The following ETV6 variants were observed in gnomAD, a reference collection of about 807,000 sequenced individuals.
The protein encoded by ETV6 is transcription factor ETV6.
In ETV6, 16 loss-of-function variants were observed where a neutral mutation model predicts 51.1. The ratio of observed to expected loss-of-function variants is 0.31; its 90% CI spans 0.21 to 0.48. ETV6 has a LOEUF of 0.48. Among genes scored for constraint, ETV6 ranks in the 20% least tolerant of loss-of-function variants. The pLI, the probability that ETV6 is intolerant of heterozygous loss-of-function variation, is 0.99. For missense variants in ETV6, 458 were observed against 594.8 expected, an observed-to-expected ratio of 0.77 and a Z score of 2.39; for synonymous variants, 240 against 224.1, an observed-to-expected ratio of 1.07 and a Z score of -0.64.
At position 11,893,794 on chromosome 12, in the gene ETV6, T is replaced by C. The variant is rs2710277; in HGVS notation, c.*2748T>C. 1.3e-5 allele frequency: 1 copy of C among 78,902 alleles called. No homozygotes were observed. The highest frequency in any genetic ancestry group is 5.8e-5 in the African/African-American group (1 of 17,104). The allele number at this position is 78,902 out of a possible 1,614,324, so 4.9% of individuals were successfully genotyped here. A position where few individuals can be genotyped will look rare whatever the true frequency, so the allele number is the denominator to read the frequency against. ...GTGTCCATCCCCAAGATCTCTCATTTTATATATATATATATATATATATAT... is the reference window on the plus strand; with the variant it reads ...GTGTCCATCCCCAAGATCTCTCATTCTATATATATATATATATATATATAT... On this transcript the variant is annotated 3_prime_UTR_variant, in exon 8 of 8. Coordinates refer to ENST00000396373, the MANE Select transcript of ETV6 (RefSeq NM_001987.5).
chr12:11,871,665 G>A lies in ETV6; in HGVS notation c.1009+1696G>A, dbSNP rs2136547419. On this transcript the variant is annotated intron_variant, in intron 5 of 7. Transcript: ENST00000396373. The stretch of plus-strand genomic sequence containing the variant: ...ATATGTTTTAAAAACTATGAAAAAG[G>A]AAATGATATATGTTTGGGATTCCAT... Among the ~76,000 whole-genome samples, 2 of 152,252 alleles carry A rather than the reference G, an allele frequency of 1.3e-5. 1 individual carries two copies. The highest frequency in any genetic ancestry group is 6.8e-3 in the Middle Eastern group (2 of 294).
chr12:11,819,562 C>A (rs1946045609), intron 2 of ETV6, among the ~76,000 whole-genome samples: 2 of 152,230 alleles, frequency 1.3e-5, no homozygotes, highest in African/African-American at 4.8e-5. Flanking sequence ...ACAGTTACCT[C>A]ACATTCAACA....
chr12:11,879,962 A>T (rs929887471), intron 5 of ETV6, among the ~76,000 whole-genome samples: 5 of 151,510 alleles, frequency 3.3e-5, no homozygotes, highest in African/African-American at 1.2e-4. Flanking sequence ...GAACCTAAAG[A>T]GGATCTGCCT....
intron 1 of ETV6, among the ~76,000 whole-genome samples, chr12:11,708,344 T>C (rs1217853341): frequency 2.6e-5 from 4 of 152,084 alleles, no homozygotes; most frequent in Non-Finnish European, 5.9e-5. Context: ...AAGGGAGTGC[T>C]GTTGTCTTCT....
chr12:11,836,930 G>A (rs1449817269), intron 2 of ETV6, among the ~76,000 whole-genome samples: 3 of 152,182 alleles, frequency 2.0e-5, no homozygotes, highest in Non-Finnish European at 4.4e-5. Context: ...GTCCCCTAAT[G>A]GGAACTCCCT....
chr12:11,721,856 A>C (rs1322842857), intron 1 of ETV6, among the ~76,000 whole-genome samples: 1 of 152,218 alleles, frequency 6.6e-6, no homozygotes, highest in South Asian at 2.1e-4. Context: ...TAAGATGTAC[A>C]TATTCTGTTA....
At chr12:11,692,169 T>C (rs749329314) in intron 1 of ETV6, among the ~76,000 whole-genome samples, 15 of 152,114 alleles carry the variant, frequency 9.9e-5, no homozygotes, top group Non-Finnish European at 1.8e-4. Context: ...AATGGATTAA[T>C]GGATTAATGG....
intron 1 of ETV6, among the ~76,000 whole-genome samples, chr12:11,730,657 A>C (rs1865576074): frequency 6.6e-6 from 1 of 152,312 alleles, no homozygotes; most frequent in East Asian, 1.9e-4. Context: ...ACAGGTGCAG[A>C]GAATGGTTTT....
intron 2 of ETV6, among the ~76,000 whole-genome samples, chr12:11,758,947 G>A (rs1028072298): frequency 5.3e-5 from 8 of 152,060 alleles, no homozygotes; most frequent in Admixed American, 6.5e-5. Flanking sequence ...TTTCCCCGCG[G>A]CACATGTGGC....
chr12:11,834,813 A>G (rs1591707870), intron 2 of ETV6, among the ~76,000 whole-genome samples: 1 of 152,224 alleles, frequency 6.6e-6, no homozygotes, highest in Non-Finnish European at 1.5e-5. Flanking sequence ...ATTCAAATTA[A>G]ATAGGAGCAT....
intron 2 of ETV6, among the ~76,000 whole-genome samples, chr12:11,822,222 G>A (rs1025527945): frequency 2.6e-5 from 4 of 152,188 alleles, no homozygotes; most frequent in African/African-American, 9.7e-5. Context: ...GTGAGTGAAC[G>A]GAGAGGTGGA....
At chr12:11,728,864 C>G (rs1326847656) in intron 1 of ETV6, among the ~76,000 whole-genome samples, 2 of 152,150 alleles carry the variant, frequency 1.3e-5, no homozygotes, top group Non-Finnish European at 1.5e-5. Flanking sequence ...TGCATAGTTA[C>G]CAGTTACCCG....
intron 1 of ETV6, among the ~76,000 whole-genome samples, chr12:11,680,048 T>C (rs918484880): frequency 3.3e-5 from 5 of 152,212 alleles, no homozygotes; most frequent in African/African-American, 9.7e-5. Context: ...CTGTAAAAGT[T>C]GAGACATCCA....
At position 11,869,752 on chromosome 12, in the gene ETV6, C is replaced by A; in HGVS notation, c.792C>A (p.Arg264=). The change falls in exon 5 of 8, where the codon CGC becomes CGA. Residue 264 remains arginine, a synonymous_variant. Transcript: ENST00000396373. The surrounding 1 kb of genome is among the most constrained non-coding windows in gnomAD (Gnocchi z 5.0). ...CCAGCCCCCGGCAGGAGAGCACACG[C>A]GTGATCCAGCTGATGCCCAGCCCCA... The part of the protein sequence containing the change: ...KPSSPRQEST[R]VIQLMPSPIM... 6.2e-7 allele frequency: 1 copy of A among 1,613,642 alleles called. No homozygotes were observed. The highest frequency in any genetic ancestry group is 8.5e-7 in the Non-Finnish European group (1 of 1,180,012).
chr12:11,853,158 G>A (rs1361341249), intron 3 of ETV6, among the ~76,000 whole-genome samples: 8 of 152,226 alleles, frequency 5.3e-5, no homozygotes, highest in African/African-American at 1.9e-4. Context: ...CTGCACTTCA[G>A]CACTGGCAAC....
At chr12:11,861,674 C>T (rs1454855425) in intron 4 of ETV6, among the ~76,000 whole-genome samples, 2 of 152,086 alleles carry the variant, frequency 1.3e-5, no homozygotes, top group Non-Finnish European at 2.9e-5. Flanking sequence ...TTCCTTTACC[C>T]CTAGGGAAAT....
At chr12:11,657,270 C>G (rs920399941) in intron 1 of ETV6, among the ~76,000 whole-genome samples, 34 of 152,172 alleles carry the variant, frequency 2.2e-4, no homozygotes, top group African/African-American at 7.7e-4. Flanking sequence ...CCTAACTGAT[C>G]AAGCCAGAGT....
chr12:11,763,229 C>T (rs1430396958), intron 2 of ETV6, among the ~76,000 whole-genome samples: 1 of 152,220 alleles, frequency 6.6e-6, no homozygotes, highest in African/African-American at 2.4e-5. Context: ...GAAGCCACCT[C>T]ACAAAGTCCC....
Position 11,652,268 on chromosome 12 carries a change from A to G in ETV6, c.33+2108A>G, listed in dbSNP as rs924457331. 7.9e-5 allele frequency among the ~76,000 whole-genome samples: 12 copies of G among 152,300 alleles called. No homozygotes were observed. In the South Asian group the frequency reaches 1.9e-3, roughly 24 times the overall value. On this transcript the variant is annotated intron_variant, in intron 1 of 7. Coordinates refer to ENST00000396373, the MANE Select transcript of ETV6 (RefSeq NM_001987.5). ...CATGTGTCTAGGTGAACGTATGTGAAGAGTATCTTTCCATGGAGTTTGTTT... is the reference window on the plus strand; with the variant it reads ...CATGTGTCTAGGTGAACGTATGTGAGGAGTATCTTTCCATGGAGTTTGTTT...
Sources: allele counts gnomAD v4.1 joint callset (sites outside exome capture counted in the v4.1 genomes callset), GRCh38; gene constraint gnomAD v4.1.1; non-coding constraint Gnocchi (gnomAD v3.1); transcripts MANE v1.5; gene names NCBI Gene and HGNC (gene_info 2026-07-23, HGNC 2026-07-21).